GNB5: variants seen among roughly 807,000 people sequenced by gnomAD.
The protein encoded by GNB5 is G protein subunit beta 5.
A neutral mutation model predicts 55.3 loss-of-function variants in GNB5; 37 were observed. The ratio of observed to expected loss-of-function variants is 0.67; its 90% CI spans 0.51 to 0.88. The LOEUF (loss-of-function observed/expected upper bound fraction) is 0.88, where lower values mean the gene tolerates loss of function less well. GNB5 is among the 40% of genes least tolerant of loss of function. The probability of loss-of-function intolerance (pLI) is 0.00; values close to 1 mark genes in which losing one functional copy is unlikely to be tolerated. For missense variants in GNB5, 476 were observed against 515.3 expected, an observed-to-expected ratio of 0.92 and a Z score of 0.74; for synonymous variants, 219 against 198.5, an observed-to-expected ratio of 1.10 and a Z score of -0.87.
intron 9 of GNB5, among the ~76,000 whole-genome samples, chr15:52,131,545 G>A (rs1014437201): frequency 1.3e-5 from 2 of 152,126 alleles, no homozygotes; most frequent in Non-Finnish European, 2.9e-5. Flanking sequence ...TTAATACACA[G>A]GGGCTTATTT....
At chr15:52,145,826 C>T (rs112038548) in intron 6 of GNB5, among the ~76,000 whole-genome samples, 1 of 151,924 alleles carries the variant, frequency 6.6e-6, no homozygotes, top group African/African-American at 2.4e-5. Context: ...CCTGGGGACT[C>T]GGGCTTTTCC....
intron 5 of GNB5, 143 bp from the exon 6 acceptor site, chr15:52,147,678 C>A: frequency 2.3e-6 from 1 of 431,008 alleles, no homozygotes; most frequent in African/African-American, 2.1e-5. Flanking sequence ...CATCTGCCTC[C>A]GGGGTTCAAG....
chr15:52,150,680 T>G lies in GNB5; in HGVS notation c.376-755A>C, dbSNP rs960968205. The stretch of plus-strand genomic sequence containing the variant: ...ACAGAGAATGCTGCCACTTTCACTG[T>G]AACCCAGCTGTGGCCTCCCATGGGT... On this transcript the variant is annotated intron_variant, in intron 4 of 12. Transcript: ENST00000261837. Among the ~76,000 whole-genome samples, 3 of 152,348 alleles carry G rather than the reference T, an allele frequency of 2.0e-5. No individual in the cohort carries two copies. The South Asian group carries it at 6.2e-4, about 32-fold the overall frequency.
In GNB5 at chr15:52,184,543, G is replaced by A; in HGVS notation, c.126+8C>T. On this transcript the variant is annotated splice_region_variant and intron_variant, in intron 2 of 12. Coordinates refer to ENST00000261837, the MANE Select transcript of GNB5 (RefSeq NM_016194.4). ...CAGATAACTGAATTTTTTTTAAGTG[G>A]CACTTACAATTTCTGCACATGTTGA... 2 of 1,610,742 alleles carry A rather than the reference G, an allele frequency of 1.2e-6. No individual in the cohort carries two copies. Among genetic ancestry groups the A allele is most frequent in the Non-Finnish European group, 8.5e-7 (1 of 1,177,802 alleles).
In GNB5 at chr15:52,137,634, G is replaced by A. The variant is rs1481645507; in HGVS notation, c.628-1878C>T. On this transcript the variant is annotated intron_variant, in intron 7 of 12. Coordinates refer to ENST00000261837, the MANE Select transcript of GNB5 (RefSeq NM_016194.4). The stretch of plus-strand genomic sequence containing the variant: ...GTGCCCAGGGAAAGACATGGGGACA[G>A]GGCTGGAATTTTACTTTTTGTCACT... The A allele has an allele frequency of 4.4e-6, 5 of 1,147,108 alleles. No homozygotes were observed. In the East Asian group the frequency reaches 2.6e-4, roughly 59 times the overall value. The allele number at this position is 1,147,108 out of a possible 1,614,324, so 71.1% of individuals were successfully genotyped here.
rs1388870972 is a variant in GNB5 at position 52,162,054 on chromosome 15, C to A, written c.239-7978G>T. Among the ~76,000 whole-genome samples the A allele has an allele frequency of 3.3e-5, 5 of 152,226 alleles. No individual in the cohort carries two copies. The East Asian group carries it at 9.7e-4, about 29-fold the overall frequency. On this transcript the variant is annotated intron_variant, in intron 3 of 12. Transcript: ENST00000261837. ...CCTAAGTTCCAAATATCACATCTAC[C>A]CCTGGAGTCCAAACAGCAAGCGTGA... is the stretch of plus-strand genomic sequence containing the variant.
At chr15:52,183,407 G>A (rs1349472837) in intron 2 of GNB5, among the ~76,000 whole-genome samples, 3 of 152,094 alleles carry the variant, frequency 2.0e-5, no homozygotes, top group Non-Finnish European at 1.5e-5. Context: ...CAATTTGCAG[G>A]GCCAAGTTAG....
intron 8 of GNB5, among the ~76,000 whole-genome samples, chr15:52,135,160 C>A (rs183454761): frequency 1.3e-5 from 2 of 152,166 alleles, no homozygotes. Context: ...GAGTGCCCCA[C>A]AGGCCTCAAA....
At chr15:52,131,903 T>C (rs921133255) in intron 9 of GNB5, among the ~76,000 whole-genome samples, 2 of 152,218 alleles carry the variant, frequency 1.3e-5, no homozygotes, top group Non-Finnish European at 2.9e-5. Flanking sequence ...AATTCATGGA[T>C]CCTGCCACTT....
intron 3 of GNB5, among the ~76,000 whole-genome samples, chr15:52,160,178 C>A (rs2034301025): frequency 6.6e-6 from 1 of 152,146 alleles, no homozygotes; most frequent in Non-Finnish European, 1.5e-5. Flanking sequence ...GAACTCCTGA[C>A]CTCAGGAGAT....
intron 3 of GNB5, among the ~76,000 whole-genome samples, chr15:52,155,240 C>CA (rs1180223346): frequency 1.3e-5 from 2 of 152,182 alleles, no homozygotes; most frequent in African/African-American, 4.8e-5. Flanking sequence ...CGCAAACAGA[C>CA]AGAGGAACAG....
chr15:52,151,368 A>G (rs1168912249), intron 4 of GNB5, among the ~76,000 whole-genome samples: 4 of 151,952 alleles, frequency 2.6e-5, no homozygotes, highest in African/African-American at 9.7e-5. Context: ...TGTGCCACCC[A>G]CTGTGTGCTC....
chr15:52,135,874 C>CAT, intron 7 of GNB5, 118 bp from the exon 8 acceptor site: 1 of 714,406 alleles, frequency 1.4e-6, no homozygotes, highest in Non-Finnish European at 2.4e-6. Context: ...CACACACACA[C>CAT]ACACACACAC....
rs186244223 is a variant in GNB5 at position 52,158,709 on chromosome 15, T to C, written c.239-4633A>G. Reference sequence around the variant, plus strand: ...CCCCTCCTGGCCCTATCCTGTTCCCTGAGCAACTTGGATTTGGTCTTTACC... The same window carrying C: ...CCCCTCCTGGCCCTATCCTGTTCCCCGAGCAACTTGGATTTGGTCTTTACC... On this transcript the variant is annotated intron_variant, in intron 3 of 12. Coordinates refer to ENST00000261837, the MANE Select transcript of GNB5 (RefSeq NM_016194.4). Among the ~76,000 whole-genome samples, 75 of 152,138 alleles carry C rather than the reference T, an allele frequency of 4.9e-4. No individual in the cohort carries two copies. In the East Asian group the frequency reaches 0.013, roughly 27 times the overall value.
At chr15:52,129,029 C>A (rs182551200) in intron 9 of GNB5, among the ~76,000 whole-genome samples, 7 of 150,434 alleles carry the variant, frequency 4.7e-5, no homozygotes, top group African/African-American at 1.5e-4. Context: ...GAACTTGGCT[C>A]ACTACAACCT....
At chr15:52,169,538 C>CAAAAAAAAAAAAAAA (rs60470864) in intron 3 of GNB5, among the ~76,000 whole-genome samples, 19 of 71,478 alleles carry the variant, frequency 2.7e-4, no homozygotes, top group East Asian at 5.9e-4. Context: ...GACTCTGTCT[C>CAAAAAAAAAAAAAAA]AAAAAAAAAA....
Position 52,128,233 on chromosome 15 carries a change from C to G in GNB5, c.875G>C (p.Ser292Thr), listed in dbSNP as rs765422322. The change falls in exon 10 of 13, where the codon AGT (serine) becomes ACT (threonine). Residue 292 changes from serine to threonine, a missense_variant. Physicochemically the swap from Ser to Thr is moderately conservative, Grantham distance 58 (BLOSUM62 1). Transcript: ENST00000261837. ...TGACCCTGAAGCAAAGGCATCTCCA[C>G]TGGGGTAGTACCTGCAGAGAGAAAG... ...SDINSVRYYP[S>T]GDAFASGSDD... 3.5e-5 allele frequency: 57 copies of G among 1,608,992 alleles called. No homozygotes were observed. The highest frequency in any genetic ancestry group is 1.5e-4 in the Admixed American group (9 of 60,004).
Position 52,120,380 on chromosome 15 carries a change from C to T in GNB5, c.*2377G>A, listed in dbSNP as rs992674274. The stretch of plus-strand genomic sequence containing the variant: ...ATCCCGACAGCACCCACTGCGAGAG[C>T]GCATGCTCACAGCGAAGGAGGCTTC... On this transcript the variant is annotated 3_prime_UTR_variant, in exon 13 of 13. Coordinates refer to ENST00000261837, the MANE Select transcript of GNB5 (RefSeq NM_016194.4). 1.3e-5 allele frequency: 2 copies of T among 152,254 alleles called. No individual in the cohort carries two copies. The highest frequency in any genetic ancestry group is 1.9e-4 in the East Asian group (1 of 5,192). The allele number at this position is 152,254 out of a possible 1,614,324, so 9.4% of individuals were successfully genotyped here. A position where few individuals can be genotyped will look rare whatever the true frequency, so the allele number is the denominator to read the frequency against.
intron 9 of GNB5, among the ~76,000 whole-genome samples, chr15:52,129,418 T>C (rs1596056475): frequency 6.6e-6 from 1 of 152,208 alleles, no homozygotes; most frequent in Non-Finnish European, 1.5e-5. Context: ...CTAACTTACA[T>C]TGGCCTGAAA....
Sources: gnomAD v4.1 joint callset for allele counts (sites outside exome capture counted in the v4.1 genomes callset) on GRCh38, gnomAD v4.1.1 for gene constraint, MANE v1.5 for transcripts, NCBI Gene and HGNC (gene_info 2026-07-23, HGNC 2026-07-21) for gene names.